Variants in FAT3 observed in about 807,000 individuals in gnomAD.
The protein encoded by FAT3 is FAT atypical cadherin 3.
FAT3 carries 95 observed loss-of-function variants against 310.2 expected under a neutral mutation model. The ratio of observed to expected loss-of-function variants is 0.31; its 90% CI spans 0.26 to 0.36. The LOEUF (loss-of-function observed/expected upper bound fraction) is 0.36. Among genes scored for constraint, FAT3 ranks in the 10% least tolerant of loss-of-function variants. FAT3 has a pLI of 1.00. For synonymous variants in FAT3, 2,314 were observed against 2,192.9 expected (o/e 1.06, Z -1.54); for missense variants, 5,408 against 5,715.6 (o/e 0.95, Z 1.74).
intron 3 of FAT3, among the ~76,000 whole-genome samples, chr11:92,652,588 T>C (rs1942419969): frequency 6.6e-6 from 1 of 152,168 alleles, no homozygotes; most frequent in Admixed American, 6.5e-5. Flanking sequence ...TCCTACTCAT[T>C]CTCAGTTCCC....
intron 1 of FAT3, among the ~76,000 whole-genome samples, chr11:92,256,480 G>C (rs1248217381): frequency 2.0e-5 from 3 of 151,784 alleles, no homozygotes; most frequent in Non-Finnish European, 4.4e-5. Flanking sequence ...GATAAAATTC[G>C]AGTTATTAAT....
chr11:92,296,410 C>G (rs1426437169), intron 1 of FAT3, among the ~76,000 whole-genome samples: 3 of 152,002 alleles, frequency 2.0e-5, no homozygotes, highest in Admixed American at 2.0e-4. Context: ...ACAATGTACA[C>G]AAAGAGGAAA....
chr11:92,864,925 A>T (rs193275806), intron 21 of FAT3, among the ~76,000 whole-genome samples: 1 of 152,226 alleles, frequency 6.6e-6, no homozygotes, highest in South Asian at 2.1e-4. Flanking sequence ...CAAAGTATGT[A>T]TGTTCTAACT....
intron 2 of FAT3, among the ~76,000 whole-genome samples, chr11:92,486,279 C>G (rs1952399104): frequency 6.6e-6 from 1 of 151,464 alleles, no homozygotes; most frequent in Non-Finnish European, 1.5e-5. Flanking sequence ...TTAACACTCT[C>G]TGAACTACGT....
intron 1 of FAT3, among the ~76,000 whole-genome samples, chr11:92,289,635 C>T (rs1244412678): frequency 6.6e-6 from 1 of 151,888 alleles, no homozygotes; most frequent in African/African-American, 2.4e-5. Context: ...CAGAATCTGA[C>T]CACTTTTCAT....
intron 3 of FAT3, among the ~76,000 whole-genome samples, chr11:92,545,730 A>G (rs1410967448): frequency 6.6e-6 from 1 of 152,184 alleles, no homozygotes; most frequent in Non-Finnish European, 1.5e-5. Context: ...AGCCAGGCAC[A>G]TCCTTTTCTC....
Position 92,798,943 on chromosome 11 carries a change from A to C in FAT3, c.5930A>C (p.Asp1977Ala). ...MVTIMVKEAM[D>A]SGLHFTQSFY... ...ACCATCATGGTTAAAGAAGCCATGG[A>C]CAGCGGCCTCCACTTTACACAAAGC... is the stretch of plus-strand genomic sequence containing the variant. Residue 1977 changes from aspartate to alanine, a missense_variant, in exon 10 of 28, where the codon GAC (aspartate) becomes GCC (alanine). By Grantham distance (126) the Asp-to-Ala change is moderately radical. Coordinates refer to ENST00000525166, the MANE Select transcript of FAT3 (RefSeq NM_001367949.2). The C allele has an allele frequency of 6.2e-7, 1 of 1,614,004 alleles. No individual in the cohort carries two copies. Among genetic ancestry groups the C allele is most frequent in the Non-Finnish European group, 8.5e-7 (1 of 1,179,876 alleles).
At chr11:92,417,685 G>A (rs984902381) in intron 2 of FAT3, among the ~76,000 whole-genome samples, 1 of 152,204 alleles carries the variant, frequency 6.6e-6, no homozygotes, top group African/African-American at 2.4e-5. Context: ...CATAGCATGG[G>A]CAAAGTTTCA....
Position 92,799,477 on chromosome 11 carries a change from G to A in FAT3, c.6464G>A (p.Gly2155Glu). The A allele has an allele frequency of 6.2e-7, 1 of 1,613,630 alleles. No homozygotes were observed. The highest frequency in any genetic ancestry group is 8.5e-7 in the Non-Finnish European group (1 of 1,179,784). The change falls in exon 10 of 28, where the codon GGA (glycine) becomes GAA (glutamate). Residue 2155 changes from glycine to glutamate, a missense_variant. Physicochemically the swap from Gly to Glu is moderately conservative, Grantham distance 98 (BLOSUM62 -2). This residue lies in a region of FAT3 where 4,588 missense variants were observed against 4,809.8 expected (regional missense o/e 0.95). Coordinates refer to ENST00000525166, the MANE Select transcript of FAT3 (RefSeq NM_001367949.2). ...TCTGACTTGTCCAACATTGAGTATG[G>A]AGTCACCATCCTAGCCAAGGATGGC... is the stretch of plus-strand genomic sequence containing the variant. ...FNSDLSNIEY[G>E]VTILAKDGGK... is the part of the protein sequence containing the mutation.
At chr11:92,683,393 A>G (rs762284492) in intron 3 of FAT3, among the ~76,000 whole-genome samples, 7 of 152,174 alleles carry the variant, frequency 4.6e-5, no homozygotes, top group African/African-American at 7.2e-5. Flanking sequence ...TGGGGTTGGG[A>G]CCAGGGTTCT....
At chr11:92,805,506 T>C (rs1393214401) in intron 11 of FAT3, among the ~76,000 whole-genome samples, 157 bp downstream of exon 11, 1 of 151,770 alleles carries the variant, frequency 6.6e-6, no homozygotes, top group African/African-American at 2.4e-5. Context: ...GGAAGAAATA[T>C]TGAAAACATG....
chr11:92,505,287 G>T (rs1234005739), intron 2 of FAT3, among the ~76,000 whole-genome samples: 1 of 152,144 alleles, frequency 6.6e-6, no homozygotes, highest in African/African-American at 2.4e-5. Context: ...CTTCTGCTGG[G>T]GAGAATGGTT....
chr11:92,361,816 C>G (rs561616572), intron 2 of FAT3, among the ~76,000 whole-genome samples: 12 of 152,330 alleles, frequency 7.9e-5, no homozygotes, highest in Non-Finnish European at 1.2e-4. Flanking sequence ...TTACATTAAT[C>G]GAGCACTGCC....
At chr11:92,807,774 G>A (rs1251068346) in intron 12 of FAT3, among the ~76,000 whole-genome samples, 1 of 152,216 alleles carries the variant, frequency 6.6e-6, no homozygotes, top group Non-Finnish European at 1.5e-5. Context: ...CTGACAAGGT[G>A]CAAGGTTATG....
intron 3 of FAT3, among the ~76,000 whole-genome samples, chr11:92,692,593 A>T (rs1163691828): frequency 1.2e-4 from 19 of 152,200 alleles, no homozygotes; most frequent in Admixed American, 1.2e-3. Flanking sequence ...TGATAAATGA[A>T]TTAATTACAT....
At position 92,805,179 on chromosome 11, in the gene FAT3, C is replaced by T. The variant is rs1181759451; in HGVS notation, c.8923C>T (p.Leu2975=). 6.2e-7 allele frequency: 1 copy of T among 1,613,038 alleles called. No individual in the cohort carries two copies. Among genetic ancestry groups the T allele is most frequent in the East Asian group, 2.2e-5 (1 of 44,852 alleles). Residue 2975 remains leucine (L), a synonymous_variant, in exon 11 of 28, where the codon CTG becomes TTG. Coordinates refer to ENST00000525166, the MANE Select transcript of FAT3 (RefSeq NM_001367949.2). The stretch of plus-strand genomic sequence containing the variant: ...AGGAAACCCTCGAGGAAGGTTTGCT[C>T]TGGGCCTGGTGCAAAGTGAGTGGAA... ...TGGNPRGRFA[L]GLVQSEWKVY...
At chr11:92,673,731 T>C (rs921653380) in intron 3 of FAT3, among the ~76,000 whole-genome samples, 1 of 152,146 alleles carries the variant, frequency 6.6e-6, no homozygotes, top group Non-Finnish European at 1.5e-5. Flanking sequence ...TTCAAACTAG[T>C]CTGGACTCCA....
At chr11:92,435,468 ATCCTTCCT>A (rs371109407) in intron 2 of FAT3, among the ~76,000 whole-genome samples, 3,481 of 108,016 alleles carry the variant, frequency 0.032, 143 homozygotes, top group African/African-American at 0.09. Context: ...TCTTTTATTT[ATCCTTCCT>A]TCCTTCCTTC....
chr11:92,814,541 T>A (rs1947770642), intron 13 of FAT3, among the ~76,000 whole-genome samples: 1 of 152,172 alleles, frequency 6.6e-6, no homozygotes, highest in African/African-American at 2.4e-5. Context: ...CAATTGGAAA[T>A]ATCTTTGCCC....
Sources: allele counts gnomAD v4.1 joint callset (sites outside exome capture counted in the v4.1 genomes callset), GRCh38; gene constraint gnomAD v4.1.1; regional missense constraint gnomAD v4.1.1; transcripts MANE v1.5; gene names NCBI Gene and HGNC (gene_info 2026-07-23, HGNC 2026-07-21).